The following VTI1B variants were observed in gnomAD, a reference collection of about 807,000 sequenced individuals.
VTI1B encodes the protein vesicle transport through interaction with t-SNAREs homolog 1B.
VTI1B carries 18 observed loss-of-function variants against 28.6 expected under a neutral mutation model. That is an observed-to-expected ratio of 0.63 (90% CI 0.43 to 0.93). The LOEUF is 0.93. Ranked by LOEUF, VTI1B falls within the 40% of genes least tolerant of loss-of-function variation. The probability of loss-of-function intolerance (pLI) is 0.00; values close to 1 mark genes in which losing one functional copy is unlikely to be tolerated. For missense variants in VTI1B, 283 were observed against 297.0 expected (o/e 0.95, Z 0.35); for synonymous variants, 100 against 107.9 (o/e 0.93, Z 0.46).
chr14:67,670,991 T>C (rs999466709), intron 1 of VTI1B, among the ~76,000 whole-genome samples: 1 of 152,212 alleles, frequency 6.6e-6, no homozygotes, highest in African/African-American at 2.4e-5. Context: ...TAATAATTCA[T>C]GATGGGCATT....
intron 1 of VTI1B, among the ~76,000 whole-genome samples, chr14:67,667,534 C>T (rs2037416302): frequency 6.6e-6 from 1 of 152,204 alleles, no homozygotes; most frequent in South Asian, 2.1e-4. Flanking sequence ...ATACACATAA[C>T]ATTCACTTAG....
chr14:67,662,333 C>T lies in VTI1B; in HGVS notation c.174+144G>A, dbSNP rs150382612. 3.8e-5 allele frequency: 27 copies of T among 718,568 alleles called. 1 individual carries two copies. In the East Asian group the frequency reaches 7.5e-4, roughly 20 times the overall value. The allele number at this position is 718,568 out of a possible 1,614,324, so 44.5% of individuals were successfully genotyped here. A position where few individuals can be genotyped will look rare whatever the true frequency, so the allele number is the denominator to read the frequency against. On this transcript the variant is annotated intron_variant, in intron 2 of 5. Coordinates refer to ENST00000554659, the MANE Select transcript of VTI1B (RefSeq NM_006370.3). ...TTGCCAAACCCCCTCAACAACCATC[C>T]CCATCAACTGGCTTCATTTAGTAAG...
chr14:67,668,891 C>T (rs2037434223), intron 1 of VTI1B, among the ~76,000 whole-genome samples: 1 of 151,860 alleles, frequency 6.6e-6, no homozygotes, highest in African/African-American at 2.4e-5. Flanking sequence ...GGAAGACAAA[C>T]AATATACTGT....
In VTI1B at chr14:67,647,830, A is replaced by C. The variant is rs1481756837; in HGVS notation, c.*3555T>G. The C allele has an allele frequency of 1.8e-6, 1 of 560,650 alleles. No homozygotes were observed. Among genetic ancestry groups the C allele is most frequent in the African/African-American group, 1.9e-5 (1 of 53,096 alleles). The allele number at this position is 560,650 out of a possible 1,614,324, so 34.7% of individuals were successfully genotyped here. ...TAGTCTGTCTGAGGTATGCAGAACAAATGGCAGTATCATGAAGTGGTATGT... is the reference window on the plus strand; with the variant it reads ...TAGTCTGTCTGAGGTATGCAGAACACATGGCAGTATCATGAAGTGGTATGT... On this transcript the variant is annotated 3_prime_UTR_variant, in exon 6 of 6. Coordinates refer to ENST00000554659, the MANE Select transcript of VTI1B (RefSeq NM_006370.3).
In VTI1B at chr14:67,651,396, G is replaced by C; in HGVS notation, c.688C>G (p.Arg230Gly). 6.2e-7 allele frequency: 1 copy of C among 1,613,862 alleles called. No individual in the cohort carries two copies. The highest frequency in any genetic ancestry group is 8.5e-7 in the Non-Finnish European group (1 of 1,179,802). ...LGGLVYYKFF[R>G]SH is the part of the protein sequence containing the mutation. ...TTCCCTATAGAAGTTCAATGGCTGC[G>C]AAAGAATTTGTAGTAAACCAGGCCT... The change falls in exon 6 of 6, where the codon CGC (arginine) becomes GGC (glycine). Residue 230 changes from arginine to glycine, a missense_variant. By Grantham distance (125) the Arg-to-Gly change is moderately radical. Transcript: ENST00000554659.
chr14:67,662,584 T>G, intron 1 of VTI1B, 49 bp from the exon 2 acceptor site: 15 of 1,518,194 alleles, frequency 9.9e-6, no homozygotes, highest in Non-Finnish European at 1.4e-5. Context: ...TTCCACACAT[T>G]TGTAAAGGCC....
chr14:67,670,717 T>C (rs1282026574), intron 1 of VTI1B, among the ~76,000 whole-genome samples: 2 of 152,118 alleles, frequency 1.3e-5, no homozygotes, highest in Admixed American at 6.5e-5. Flanking sequence ...TGAGTAGAGA[T>C]GGGGTTTCAC....
At chr14:67,663,599 A>G (rs1015826846) in intron 1 of VTI1B, among the ~76,000 whole-genome samples, 23 of 152,176 alleles carry the variant, frequency 1.5e-4, no homozygotes, top group African/African-American at 5.5e-4. Context: ...GTGTGAACCC[A>G]GGAGGCGGAG....
intron 2 of VTI1B, among the ~76,000 whole-genome samples, chr14:67,660,877 G>GAA: frequency 6.6e-6 from 1 of 152,296 alleles, no homozygotes; most frequent in South Asian, 2.1e-4. Flanking sequence ...TGAAACAGGA[G>GAA]AATGGCTACA....
In VTI1B at chr14:67,650,633, G is replaced by T. The variant is rs1343266107; in HGVS notation, c.*752C>A. 3.0e-6 allele frequency: 4 copies of T among 1,322,606 alleles called. No individual in the cohort carries two copies. The East Asian group carries it at 9.3e-5, about 31-fold the overall frequency. 81.9% of individuals were successfully genotyped at this position (1,322,606 alleles called of 1,614,324 possible). A position where few individuals can be genotyped will look rare whatever the true frequency, so the allele number is the denominator to read the frequency against. On this transcript the variant is annotated 3_prime_UTR_variant, in exon 6 of 6. Coordinates refer to ENST00000554659, the MANE Select transcript of VTI1B (RefSeq NM_006370.3). ...TGGACTCTTGTTTTTACTTTGGCTT[G>T]TTCTCCCTGTCCCAGTGGGATGACC... is the stretch of plus-strand genomic sequence containing the variant.
intron 1 of VTI1B, chr14:67,662,982 ATGT>A: frequency 7.2e-7 from 1 of 1,383,056 alleles, no homozygotes; most frequent in Non-Finnish European, 9.3e-7. Flanking sequence ...AACCACTTCT[ATGT>A]TAACTCGTAC....
chr14:67,666,142 G>A (rs1439786502), intron 1 of VTI1B, among the ~76,000 whole-genome samples: 1 of 152,242 alleles, frequency 6.6e-6, no homozygotes, highest in Admixed American at 6.5e-5. Context: ...CAGACAGTAA[G>A]AAGCAGTACT....
chr14:67,664,409 A>T (rs1594839529), intron 1 of VTI1B, among the ~76,000 whole-genome samples: 1 of 152,186 alleles, frequency 6.6e-6, no homozygotes, highest in African/African-American at 2.4e-5. Context: ...ATGCTGTTGC[A>T]CGTATGGGGA....
chr14:67,647,116 T>A lies in VTI1B; in HGVS notation c.*4269A>T. The A allele has an allele frequency of 1.2e-6, 1 of 849,422 alleles. No homozygotes were observed. Among genetic ancestry groups the A allele is most frequent in the Admixed American group, 2.3e-5 (1 of 44,330 alleles). 52.6% of individuals were successfully genotyped at this position (849,422 alleles called of 1,614,324 possible). On this transcript the variant is annotated 3_prime_UTR_variant, in exon 6 of 6. Transcript: ENST00000554659. ...GAGGACAGCAGCTTTACTTTTAAAA[T>A]ACAAAGCAAAAACATACACATAATT...
intron 1 of VTI1B, among the ~76,000 whole-genome samples, chr14:67,672,017 A>G (rs966093918): frequency 6.6e-6 from 1 of 152,228 alleles, no homozygotes; most frequent in East Asian, 1.9e-4. Flanking sequence ...AGTAATAATG[A>G]ATTCAATTTT....
In VTI1B at chr14:67,648,244, G is replaced by A. The variant is rs2037126689; in HGVS notation, c.*3141C>T. On this transcript the variant is annotated 3_prime_UTR_variant, in exon 6 of 6. Transcript: ENST00000554659. ...ATAGGTAAATATGCTAGAGTCTCTTGCCTGCAAAGGATCTTTTCTGCTATT... is the reference window on the plus strand; with the variant it reads ...ATAGGTAAATATGCTAGAGTCTCTTACCTGCAAAGGATCTTTTCTGCTATT... The A allele has an allele frequency of 5.9e-6, 9 of 1,530,720 alleles. No individual in the cohort carries two copies. The South Asian group carries it at 1.1e-4, about 19-fold the overall frequency. 94.8% of individuals were successfully genotyped at this position (1,530,720 alleles called of 1,614,324 possible).
chr14:67,648,284 A>T lies in VTI1B; in HGVS notation c.*3101T>A. 7.3e-7 allele frequency: 1 copy of T among 1,364,428 alleles called. No homozygotes were observed. The highest frequency in any genetic ancestry group is 9.9e-7 in the Non-Finnish European group (1 of 1,014,082). 84.5% of individuals were successfully genotyped at this position (1,364,428 alleles called of 1,614,324 possible). On this transcript the variant is annotated 3_prime_UTR_variant, in exon 6 of 6. Coordinates refer to ENST00000554659, the MANE Select transcript of VTI1B (RefSeq NM_006370.3). The stretch of plus-strand genomic sequence containing the variant: ...TTTCTGCTATTCCACATCATTGCAG[A>T]GTTTGTTTTTGCTTAAACTTTTGTA...
At chr14:67,656,921 G>A (rs1329580431) in intron 3 of VTI1B, among the ~76,000 whole-genome samples, 3 of 152,202 alleles carry the variant, frequency 2.0e-5, no homozygotes, top group African/African-American at 4.8e-5. Context: ...ATCAACTTCT[G>A]AAAGGTGGCA....
chr14:67,662,670 C>G (rs926676085), intron 1 of VTI1B, 135 bp from the exon 2 acceptor site: 1 of 794,880 alleles, frequency 1.3e-6, no homozygotes, highest in African/African-American at 1.8e-5. Context: ...CTTTGGGAGG[C>G]CAAGGCAGGT....
Sources: allele counts gnomAD v4.1 joint callset (sites outside exome capture counted in the v4.1 genomes callset), GRCh38; gene constraint gnomAD v4.1.1; transcripts MANE v1.5; gene names NCBI Gene and HGNC (gene_info 2026-07-23, HGNC 2026-07-21).